MCRIP1: variants seen among roughly 807,000 people sequenced by gnomAD.
The protein encoded by MCRIP1 is MAPK regulated corepressor interacting protein 1.
MCRIP1 carries 10 observed loss-of-function variants against 14.4 expected under a neutral mutation model. The ratio of observed to expected loss-of-function variants is 0.70; its 90% CI spans 0.43 to 1.18. The LOEUF (loss-of-function observed/expected upper bound fraction) is 1.18, where lower values mean the gene tolerates loss of function less well. MCRIP1 is among the 50% of genes most tolerant of loss of function. MCRIP1 has a pLI of 0.00. For synonymous variants in MCRIP1, 53 were observed against 55.7 expected, an observed-to-expected ratio of 0.95 and a Z score of 0.21; for missense variants, 119 against 135.4, an observed-to-expected ratio of 0.88 and a Z score of 0.60.
intron 1 of MCRIP1, chr17:81,826,141 G>C (rs575403475): frequency 2.0e-6 from 3 of 1,487,258 alleles, no homozygotes; most frequent in East Asian, 2.5e-5. Context: ...TGCTGGGTTC[G>C]GTTGTCACTC....
chr17:81,825,051 G>T (rs544893701), intron 1 of MCRIP1: 1 of 1,014,314 alleles, frequency 9.9e-7, no homozygotes, highest in South Asian at 4.0e-5. Flanking sequence ...TGTAAAACGG[G>T]GATGAGCTTC....
chr17:81,829,630 T>C (rs1260160485), intron 1 of MCRIP1, among the ~76,000 whole-genome samples: 1 of 152,186 alleles, frequency 6.6e-6, no homozygotes, highest in Admixed American at 6.5e-5. Context: ...TACTGTAAAA[T>C]ATAGCGCAGC....
chr17:81,826,418 G>C (rs1226527979), intron 1 of MCRIP1: 20 of 1,530,062 alleles, frequency 1.3e-5, no homozygotes, highest in Non-Finnish European at 1.8e-5. Context: ...CAGCTACTCA[G>C]AGGCTGGGGT....
rs540357405 is a variant in MCRIP1 at position 81,826,224 on chromosome 17, T to C, written c.-48-1670A>G. 335 of 1,517,780 alleles carry C rather than the reference T, an allele frequency of 2.2e-4. 1 individual carries two copies. The East Asian group carries it at 4.1e-3, about 19-fold the overall frequency. The allele number at this position is 1,517,780 out of a possible 1,614,324, so 94.0% of individuals were successfully genotyped here. A position where few individuals can be genotyped will look rare whatever the true frequency, so the allele number is the denominator to read the frequency against. The stretch of plus-strand genomic sequence containing the variant: ...CTTCCGGGGCTCCCTTTGCCTTGTG[T>C]GCACACACACACACACACACACACC... On this transcript the variant is annotated intron_variant, in intron 1 of 4. Transcript: ENST00000455127.
chr17:81,823,067 A>G lies in MCRIP1; in HGVS notation c.*180T>C. On this transcript the variant is annotated 3_prime_UTR_variant, in exon 5 of 5. Coordinates refer to ENST00000455127, the MANE Select transcript of MCRIP1 (RefSeq NM_207368.5). The surrounding 1 kb of genome is among the most constrained non-coding windows in gnomAD (Gnocchi z 6.0). ...TGATGGGGGCAGCCTGAGACCCCCAAGGATGAAGGAAGGGGGCTTGGGAAG... is the reference window on the plus strand; with the variant it reads ...TGATGGGGGCAGCCTGAGACCCCCAGGGATGAAGGAAGGGGGCTTGGGAAG... 2 of 659,176 alleles carry G rather than the reference A, an allele frequency of 3.0e-6. No homozygotes were observed. Among genetic ancestry groups the G allele is most frequent in the Admixed American group, 4.7e-5 (2 of 42,240 alleles). The allele number at this position is 659,176 out of a possible 1,614,324, so 40.8% of individuals were successfully genotyped here.
rs1384762713 is a variant in MCRIP1, at chr17:81,824,377, C to T, written c.37G>A (p.Gly13Ser). 3 of 1,535,168 alleles carry T rather than the reference C, an allele frequency of 2.0e-6. No individual in the cohort carries two copies. The highest frequency in any genetic ancestry group is 2.4e-5 in the East Asian group (1 of 40,860). The part of the protein sequence containing the change: ...SSPVSRVVYN[G>S]KRTSSPRSPP... ...GAGCGGGGGCTGCTGGTCCTCTTGC[C>T]GTTGTACACGACTCTGGAGACGGGG... The change falls in exon 3 of 5, where the codon GGC becomes AGC. Residue 13 changes from glycine (G) to serine (S), a missense_variant. Coordinates refer to ENST00000455127, the MANE Select transcript of MCRIP1 (RefSeq NM_207368.5).
At chr17:81,825,204 T>C in intron 1 of MCRIP1, 2 of 1,059,280 alleles carry the variant, frequency 1.9e-6, no homozygotes, top group Non-Finnish European at 2.3e-6. Flanking sequence ...AGGAAGCTGC[T>C]GGGCCTGACC....
chr17:81,825,807 G>T (rs923296538), intron 1 of MCRIP1: 3 of 1,289,378 alleles, frequency 2.3e-6, no homozygotes, highest in African/African-American at 3.0e-5. Context: ...GGACTCTGGG[G>T]TCTCTCTGCC....
chr17:81,830,251 C>T (rs146949991), intron 1 of MCRIP1, among the ~76,000 whole-genome samples: 100 of 152,364 alleles, frequency 6.6e-4, no homozygotes, highest in African/African-American at 1.9e-3. Context: ...GGAAAGCCAG[C>T]AGCTCAGTGA....
chr17:81,827,262 TTTTATTTATTTA>T (rs555491860), intron 1 of MCRIP1, among the ~76,000 whole-genome samples: 1 of 151,788 alleles, frequency 6.6e-6, no homozygotes, highest in East Asian at 1.9e-4. Context: ...ATCCCATTTC[TTTTATTTATTTA>T]TTTATTTATT....
At position 81,824,215 on chromosome 17, in the gene MCRIP1, G is replaced by T. The variant is rs1184385127; in HGVS notation, c.127+72C>A. ...GGCCGCAGGAGGTTCCTCGGAGCGT[G>T]GGTCCTGGGCTGGGGGCAGAGCTGA... On this transcript the variant is annotated intron_variant, in intron 3 of 4. Coordinates refer to ENST00000455127, the MANE Select transcript of MCRIP1 (RefSeq NM_207368.5). 2.6e-5 allele frequency: 32 copies of T among 1,254,392 alleles called. 1 individual carries two copies. In the Admixed American group the frequency reaches 6.4e-4, roughly 25 times the overall value. The allele number at this position is 1,254,392 out of a possible 1,614,324, so 77.7% of individuals were successfully genotyped here.
At chr17:81,825,949 T>A (rs763972207) in intron 1 of MCRIP1, 1 of 1,306,186 alleles carries the variant, frequency 7.7e-7, no homozygotes, top group South Asian at 1.2e-5. Flanking sequence ...AGAGCTCAGG[T>A]AACAGGTAGA....
At chr17:81,828,654 C>T (rs539406684) in intron 1 of MCRIP1, among the ~76,000 whole-genome samples, 2 of 152,236 alleles carry the variant, frequency 1.3e-5, no homozygotes, top group South Asian at 4.1e-4. Context: ...AGCCCCCACG[C>T]AGAGACGGAC....
intron 1 of MCRIP1, chr17:81,825,963 G>A: frequency 7.6e-7 from 1 of 1,316,108 alleles, no homozygotes; most frequent in East Asian, 4.9e-5. Flanking sequence ...AGGTAGACTG[G>A]CCAGCCCCCT....
intron 1 of MCRIP1, chr17:81,825,349 T>C: frequency 8.5e-7 from 1 of 1,178,056 alleles, no homozygotes; most frequent in Non-Finnish European, 1.1e-6. Context: ...CCACTCCAGC[T>C]GAGGACACAC....
chr17:81,830,984 A>G (rs1234584706), intron 1 of MCRIP1, among the ~76,000 whole-genome samples: 2 of 151,636 alleles, frequency 1.3e-5, no homozygotes, highest in East Asian at 3.9e-4. Flanking sequence ...TGGCCAACAT[A>G]CAGTGAAACC....
At chr17:81,827,493 G>A (rs375275645) in intron 1 of MCRIP1, among the ~76,000 whole-genome samples, 1 of 151,678 alleles carries the variant, frequency 6.6e-6, no homozygotes, top group Non-Finnish European at 1.5e-5. Context: ...GGATGGTCTC[G>A]ATCTCCTGAC....
rs1479177500 is a variant in MCRIP1, at chr17:81,823,577, A to T, written c.128-64T>A. 2.2e-6 allele frequency: 3 copies of T among 1,359,686 alleles called. No individual in the cohort carries two copies. Among genetic ancestry groups the T allele is most frequent in the Non-Finnish European group, 3.0e-6 (3 of 989,676 alleles). The allele number at this position is 1,359,686 out of a possible 1,614,324, so 84.2% of individuals were successfully genotyped here. On this transcript the variant is annotated intron_variant, in intron 3 of 4. Coordinates refer to ENST00000455127, the MANE Select transcript of MCRIP1 (RefSeq NM_207368.5). This position sits in a 1 kb window ranked among gnomAD's most constrained non-coding sequence, Gnocchi z 6.0. The stretch of plus-strand genomic sequence containing the variant: ...CCCAGGGGGTGGCATCCACGTCACG[A>T]GAGTGCCTGCCCTCAGCTCCTGCCC...
rs948051639 is a variant in MCRIP1, at chr17:81,824,284, C to T, written c.127+3G>A. 3 of 1,534,062 alleles carry T rather than the reference C, an allele frequency of 2.0e-6. No individual in the cohort carries two copies. Among genetic ancestry groups the T allele is most frequent in the Non-Finnish European group, 2.6e-6 (3 of 1,144,984 alleles). The stretch of plus-strand genomic sequence containing the variant: ...AGGAGCTGTGTGTGGCAGGCGCACC[C>T]ACCTTCGTAAATGAAGCGGACGTTC... On this transcript the variant is annotated splice_donor_region_variant and intron_variant, in intron 3 of 4. Coordinates refer to ENST00000455127, the MANE Select transcript of MCRIP1 (RefSeq NM_207368.5).
Sources: gnomAD v4.1 joint callset for allele counts (sites outside exome capture counted in the v4.1 genomes callset) on GRCh38, gnomAD v4.1.1 for gene constraint, Gnocchi (gnomAD v3.1) non-coding constraint, MANE v1.5 for transcripts, NCBI Gene and HGNC (gene_info 2026-07-23, HGNC 2026-07-21) for gene names.